ADCY8: variants seen among roughly 807,000 people sequenced by gnomAD.
ADCY8 encodes the protein adenylate cyclase type 8.
Under a neutral mutation model 119.7 loss-of-function variants are expected in ADCY8, and 51 were observed. The ratio of observed to expected loss-of-function variants is 0.43; its 90% CI spans 0.34 to 0.54. The LOEUF is 0.54. ADCY8 is among the 20% of genes least tolerant of loss of function. The pLI is 0.03. For synonymous variants in ADCY8, 665 were observed against 651.0 expected, an observed-to-expected ratio of 1.02 and a Z score of -0.33; for missense variants, 1,383 against 1,598.8, an observed-to-expected ratio of 0.87 and a Z score of 2.30.
At chr8:130,988,313 G>A (rs926791442) in intron 2 of ADCY8, among the ~76,000 whole-genome samples, 12 of 152,210 alleles carry the variant, frequency 7.9e-5, no homozygotes, top group Admixed American at 7.8e-4. Context: ...GTAAATAAAG[G>A]GTGGTCAACA....
intron 5 of ADCY8, among the ~76,000 whole-genome samples, chr8:130,910,869 T>A (rs998974359): frequency 3.3e-5 from 5 of 152,214 alleles, no homozygotes; most frequent in African/African-American, 1.2e-4. Flanking sequence ...TATGATTAAA[T>A]GATGTCATTT....
Position 130,923,457 on chromosome 8 carries a change from A to C in ADCY8, c.1482-13591T>G, listed in dbSNP as rs943678141. 6.6e-5 allele frequency among the ~76,000 whole-genome samples: 10 copies of C among 152,238 alleles called. 1 individual carries two copies. On this transcript the variant is annotated intron_variant, in intron 5 of 17. Coordinates refer to ENST00000286355, the MANE Select transcript of ADCY8 (RefSeq NM_001115.3). ...AAGGATTAAGACCTTTACTCTGATT[A>C]ACTGTTGGGGACAAACCAGTTACTA...
chr8:130,780,736 T>C lies in ADCY8; in HGVS notation c.3410A>G (p.Tyr1137Cys), dbSNP rs760400771. The part of the protein sequence containing the change: ...SGRIQVPEET[Y>C]LILKDQGFAF... ...AAAGCCCTGGTCCTTCAGGATGAGATAGGTCTCCTCTGGGACTTGGATCCG... is the reference window on the plus strand; with the variant it reads ...AAAGCCCTGGTCCTTCAGGATGAGACAGGTCTCCTCTGGGACTTGGATCCG... The change falls in exon 18 of 18, where the codon TAT becomes TGT. Residue 1137 changes from tyrosine (Y) to cysteine (C), a missense_variant. Transcript: ENST00000286355. 7.5e-5 allele frequency: 121 copies of C among 1,614,106 alleles called. No individual in the cohort carries two copies. Among genetic ancestry groups the C allele is most frequent in the Non-Finnish European group, 9.6e-5 (113 of 1,180,032 alleles).
At chr8:131,037,264 T>C (rs1219811623) in intron 1 of ADCY8, among the ~76,000 whole-genome samples, 1 of 152,142 alleles carries the variant, frequency 6.6e-6, no homozygotes, top group Non-Finnish European at 1.5e-5. Flanking sequence ...ATCAGGACCT[T>C]GGATTTCACA....
chr8:131,011,478 T>C (rs1563766956), intron 1 of ADCY8, among the ~76,000 whole-genome samples: 3 of 152,086 alleles, frequency 2.0e-5, no homozygotes, highest in Admixed American at 1.3e-4. Flanking sequence ...GGCCAGCAGG[T>C]CACTGCCAAA....
In ADCY8 at chr8:131,040,211, C is replaced by T. The variant is rs372258768; in HGVS notation, c.123G>A (p.Ala41=). The change falls in exon 1 of 18, where the codon GCG becomes GCA. Residue 41 remains alanine, a synonymous_variant. Transcript: ENST00000286355. The part of the protein sequence containing the change: ...SRPQRLLWQT[A]VRHITEQRFI... The stretch of plus-strand genomic sequence containing the variant: ...AGCGCTGCTCCGTGATGTGTCGCAC[C>T]GCCGTCTGCCACAGCAGCCGCTGCG... 8,269 of 1,537,328 alleles carry T rather than the reference C, an allele frequency of 5.4e-3. 33 individuals carry two copies. Among genetic ancestry groups the T allele is most frequent in the Non-Finnish European group, 6.6e-3 (7,564 of 1,148,094 alleles).
chr8:131,037,023 T>G (rs1290433200), intron 1 of ADCY8, among the ~76,000 whole-genome samples: 1 of 152,178 alleles, frequency 6.6e-6, no homozygotes, highest in African/African-American at 2.4e-5. Flanking sequence ...TCACAGATTC[T>G]TATAAAAAGC....
At chr8:130,890,689 T>G (rs1819155487) in intron 7 of ADCY8, among the ~76,000 whole-genome samples, 1 of 152,162 alleles carries the variant, frequency 6.6e-6, no homozygotes, top group Admixed American at 6.6e-5. Context: ...CTCCCATTAC[T>G]ACTTCCCAGT....
rs773215227 is a variant in ADCY8 at position 131,039,899 on chromosome 8, C to T, written c.435G>A (p.Gly145=). ...APSNSDFFLN[G]GYSYRGVIFP... is the part of the protein sequence containing the mutation. ...AAATGACCCCTCGGTAGCTATAGCC[C>T]CCATTAAGAAAGAAATCCGAGTTGC... The change falls in exon 1 of 18, where the codon GGG becomes GGA. Residue 145 remains glycine, a synonymous_variant. Transcript: ENST00000286355. 4 of 1,613,474 alleles carry T rather than the reference C, an allele frequency of 2.5e-6. No homozygotes were observed. Among genetic ancestry groups the T allele is most frequent in the Non-Finnish European group, 3.4e-6 (4 of 1,179,682 alleles).
chr8:130,868,993 C>T (rs534434353), intron 8 of ADCY8, among the ~76,000 whole-genome samples: 47 of 152,262 alleles, frequency 3.1e-4, no homozygotes, highest in African/African-American at 1.1e-3. Context: ...TTGCAATAAA[C>T]AGTTACATGA....
chr8:131,018,062 G>T (rs1167054489), intron 1 of ADCY8, among the ~76,000 whole-genome samples: 3 of 152,174 alleles, frequency 2.0e-5, no homozygotes, highest in Non-Finnish European at 4.4e-5. Context: ...GTAATTGAGG[G>T]AGTTTGTCAT....
intron 1 of ADCY8, among the ~76,000 whole-genome samples, chr8:131,019,416 A>G (rs914340692): frequency 1.3e-5 from 2 of 152,180 alleles, no homozygotes; most frequent in Non-Finnish European, 2.9e-5. Context: ...TGGAGTTACA[A>G]TTTGGCAGAT....
intron 5 of ADCY8, among the ~76,000 whole-genome samples, chr8:130,932,232 C>T (rs2130612353): frequency 6.6e-6 from 1 of 152,262 alleles, no homozygotes; most frequent in East Asian, 1.9e-4. Flanking sequence ...CTGAGGCTTT[C>T]CCATTGCTAA....
In ADCY8 at chr8:130,836,347, A is replaced by G. The variant is rs774150772; in HGVS notation, c.2605T>C (p.Tyr869His). Residue 869 changes from tyrosine (Y) to histidine (H), a missense_variant, in exon 12 of 18, where the codon TAT becomes CAT. Transcript: ENST00000286355. ...LAVLLIMIAI[Y>H]ALLTETVYAG... ...TAGACGGTCTCAGTGAGCAGGGCATAGATGGCAATCATGATCAGCAGCACT... is the reference window on the plus strand; with the variant it reads ...TAGACGGTCTCAGTGAGCAGGGCATGGATGGCAATCATGATCAGCAGCACT... The G allele has an allele frequency of 4.3e-6, 7 of 1,614,050 alleles. No individual in the cohort carries two copies. The highest frequency in any genetic ancestry group is 5.9e-6 in the Non-Finnish European group (7 of 1,179,908).
intron 15 of ADCY8, among the ~76,000 whole-genome samples, chr8:130,794,369 C>T (rs902301682): frequency 2.0e-5 from 3 of 152,108 alleles, no homozygotes; most frequent in East Asian, 1.9e-4. Flanking sequence ...CTCAGCCTCC[C>T]GAGTAGCTAG....
intron 11 of ADCY8, among the ~76,000 whole-genome samples, chr8:130,844,792 C>T (rs892702968): frequency 6.6e-5 from 10 of 152,170 alleles, no homozygotes; most frequent in Non-Finnish European, 4.4e-5. Context: ...TTGCTGACCT[C>T]CTGAACAAGA....
At chr8:130,885,743 G>T (rs1010002439) in intron 7 of ADCY8, among the ~76,000 whole-genome samples, 3 of 152,104 alleles carry the variant, frequency 2.0e-5, no homozygotes, top group Admixed American at 2.0e-4. Flanking sequence ...AGATCTTCTT[G>T]AAGGAAAGTA....
At chr8:130,810,151 A>G (rs1267648960) in intron 14 of ADCY8, among the ~76,000 whole-genome samples, 2 of 152,128 alleles carry the variant, frequency 1.3e-5, no homozygotes, top group Non-Finnish European at 2.9e-5. Flanking sequence ...GCTCCGTGAA[A>G]CTCACAGATG....
At chr8:131,035,663 C>T (rs748363370) in intron 1 of ADCY8, among the ~76,000 whole-genome samples, 2 of 152,138 alleles carry the variant, frequency 1.3e-5, no homozygotes, top group Non-Finnish European at 2.9e-5. Context: ...AGCAGATTCT[C>T]ATAGCTTAGA....
Sources: gnomAD v4.1 joint callset for allele counts (sites outside exome capture counted in the v4.1 genomes callset) on GRCh38, gnomAD v4.1.1 for gene constraint, MANE v1.5 for transcripts, NCBI Gene and HGNC (gene_info 2026-07-23, HGNC 2026-07-21) for gene names.